Variants in FAM151B observed in about 807,000 individuals in gnomAD.
The protein encoded by FAM151B is family with sequence similarity 151 member B.
In FAM151B, 24 loss-of-function variants were observed where a neutral mutation model predicts 31.2. The observed-to-expected ratio is 0.77, with a 90% CI of 0.56 to 1.08. The LOEUF is 1.08. Among genes scored for constraint, FAM151B ranks in the 50% least tolerant of loss-of-function variants. The pLI, the probability that FAM151B is intolerant of heterozygous loss-of-function variation, is 0.00. For missense variants in FAM151B, 293 were observed against 328.6 expected, an observed-to-expected ratio of 0.89 and a Z score of 0.84; for synonymous variants, 105 against 111.4, an observed-to-expected ratio of 0.94 and a Z score of 0.36.
At chr5:80,523,898 G>T (rs1322575072) in intron 5 of FAM151B, among the ~76,000 whole-genome samples, 2 of 152,050 alleles carry the variant, frequency 1.3e-5, no homozygotes, top group African/African-American at 2.4e-5. Context: ...CAATTATGGG[G>T]CAACCCTCGT....
chr5:80,532,327 C>A (rs1411852980), intron 5 of FAM151B, among the ~76,000 whole-genome samples: 1 of 151,922 alleles, frequency 6.6e-6, no homozygotes, highest in Non-Finnish European at 1.5e-5. Flanking sequence ...ATGTAACTAA[C>A]CTGCATGTTG....
At chr5:80,500,272 G>T (rs1743695753) in intron 1 of FAM151B, 1 of 656,930 alleles carries the variant, frequency 1.5e-6, no homozygotes, top group East Asian at 2.6e-5. Context: ...GGAGATGTAG[G>T]TTAGAGCATA....
chr5:80,524,489 C>T (rs1355251174), intron 5 of FAM151B, among the ~76,000 whole-genome samples: 3 of 152,004 alleles, frequency 2.0e-5, no homozygotes, highest in Non-Finnish European at 2.9e-5. Context: ...TACCTACTTA[C>T]TCTCATTTTA....
chr5:80,501,799 G>T lies in FAM151B; in HGVS notation c.33G>T (p.Trp11Cys), dbSNP rs1030116434. The change falls in exon 2 of 6, where the codon TGG becomes TGT. Residue 11 changes from tryptophan to cysteine, a missense_variant. Physicochemically the swap from Trp to Cys is radical, Grantham distance 215. Transcript: ENST00000282226. MAASAGGPGS[W>C]SENILEYFLR... ...TAAACACTGTTATTTTAGGATCTTG[G>T]AGTGAAAATATACTGGAATATTTTC... is the stretch of plus-strand genomic sequence containing the variant. 1 of 1,596,910 alleles carries T rather than the reference G, an allele frequency of 6.3e-7. No individual in the cohort carries two copies. Among genetic ancestry groups the T allele is most frequent in the Non-Finnish European group, 8.6e-7 (1 of 1,169,588 alleles).
intron 5 of FAM151B, among the ~76,000 whole-genome samples, chr5:80,525,837 G>T (rs1026886888): frequency 2.0e-5 from 3 of 150,764 alleles, no homozygotes; most frequent in Non-Finnish European, 2.9e-5. Context: ...GAAAGTACAG[G>T]CTTCTAATGC....
chr5:80,521,513 C>T (rs1744720464), intron 4 of FAM151B, among the ~76,000 whole-genome samples: 1 of 151,928 alleles, frequency 6.6e-6, no homozygotes, highest in Non-Finnish European at 1.5e-5. Context: ...GTAAAATATA[C>T]AGGTAATTTG....
intron 2 of FAM151B, 109 bp from the exon 3 acceptor site, chr5:80,513,495 T>G: frequency 8.9e-7 from 1 of 1,117,772 alleles, no homozygotes. Context: ...TGAGTGTTAC[T>G]TTTCTTTCCT....
chr5:80,506,031 C>T (rs1428954051), intron 2 of FAM151B: 5 of 983,830 alleles, frequency 5.1e-6, no homozygotes, highest in Non-Finnish European at 6.0e-6. Context: ...GCTGGGATTA[C>T]AGGTGTGAGC....
intron 2 of FAM151B, among the ~76,000 whole-genome samples, chr5:80,512,780 TA>T (rs149239966): frequency 0.015 from 1,945 of 132,824 alleles, 32 homozygotes; most frequent in African/African-American, 0.043. Flanking sequence ...ACCCTGTTTC[TA>T]AAAAAAAAAA....
chr5:80,510,546 G>A (rs1368740648), intron 2 of FAM151B, among the ~76,000 whole-genome samples: 5 of 152,266 alleles, frequency 3.3e-5, no homozygotes, highest in South Asian at 4.1e-4. Flanking sequence ...AATCCCAAAT[G>A]CCATATCCCA....
At chr5:80,538,653 G>C (rs145557289) in intron 5 of FAM151B, among the ~76,000 whole-genome samples, 6 of 148,426 alleles carry the variant, frequency 4.0e-5, no homozygotes, top group Non-Finnish European at 3.0e-5. Flanking sequence ...CTGGAGTGCA[G>C]TGGCAGGATC....
At chr5:80,523,640 T>G (rs1383993085) in intron 5 of FAM151B, among the ~76,000 whole-genome samples, 2 of 152,204 alleles carry the variant, frequency 1.3e-5, no homozygotes, top group Non-Finnish European at 2.9e-5. Context: ...TTATATGTTA[T>G]AGATAATGCA....
At chr5:80,492,274 C>T (rs925135059) in intron 1 of FAM151B, among the ~76,000 whole-genome samples, 12 of 151,722 alleles carry the variant, frequency 7.9e-5, no homozygotes, top group African/African-American at 2.9e-4. Flanking sequence ...TTGTGTCTGT[C>T]ACATTTTGGG....
intron 1 of FAM151B, among the ~76,000 whole-genome samples, chr5:80,497,982 T>C (rs1024535251): frequency 6.6e-6 from 1 of 152,222 alleles, no homozygotes; most frequent in Non-Finnish European, 1.5e-5. Context: ...ATATCCAATA[T>C]GAACCATTAA....
At chr5:80,490,438 A>G (rs1385577164) in intron 1 of FAM151B, among the ~76,000 whole-genome samples, 2 of 152,240 alleles carry the variant, frequency 1.3e-5, no homozygotes, top group African/African-American at 4.8e-5. Context: ...ATTAATATAC[A>G]ACTTATTTAA....
intron 1 of FAM151B, among the ~76,000 whole-genome samples, chr5:80,491,356 C>G (rs1743324126): frequency 6.6e-6 from 1 of 152,120 alleles, no homozygotes; most frequent in Non-Finnish European, 1.5e-5. Context: ...GCAGGGACTA[C>G]AGGCACACAC....
chr5:80,519,845 T>G lies in FAM151B; in HGVS notation c.470T>G (p.Phe157Cys). 1 of 1,614,154 alleles carries G rather than the reference T, an allele frequency of 6.2e-7. No homozygotes were observed. The highest frequency in any genetic ancestry group is 1.1e-5 in the South Asian group (1 of 91,086). Residue 157 changes from phenylalanine to cysteine, a missense_variant, in exon 4 of 6, where the codon TTC becomes TGC. By Grantham distance (205) the Phe-to-Cys change is radical (BLOSUM62 -2). Transcript: ENST00000282226. ...CCATTTTTAGACACCGTGATATCCT[T>G]CTTTCCAGACGTGACGTTTTCCCTG... ...AKPFLDTVISFFPDVTFSLGW... is the reference protein window; with the variant it reads ...AKPFLDTVISCFPDVTFSLGW...
chr5:80,501,765 C>A, intron 1 of FAM151B, 27 bp from the exon 2 acceptor site: 1 of 1,544,534 alleles, frequency 6.5e-7, no homozygotes, highest in Non-Finnish European at 8.8e-7. Context: ...AACAATATCA[C>A]TTTTCATGTA....
chr5:80,539,090 T>G (rs1425577669), intron 5 of FAM151B, among the ~76,000 whole-genome samples: 1 of 151,524 alleles, frequency 6.6e-6, no homozygotes, highest in Non-Finnish European at 1.5e-5. Context: ...ATGTATGTAC[T>G]ATAATTGACT....
Sources: allele counts gnomAD v4.1 joint callset (sites outside exome capture counted in the v4.1 genomes callset), GRCh38; gene constraint gnomAD v4.1.1; transcripts MANE v1.5; gene names NCBI Gene and HGNC (gene_info 2026-07-23, HGNC 2026-07-21).